DLC1: variants seen among roughly 807,000 people sequenced by gnomAD.
DLC1 encodes rho GTPase-activating protein 7.
In DLC1, 54 loss-of-function variants were observed where a neutral mutation model predicts 140.3. That is an observed-to-expected ratio of 0.38 (90% CI 0.31 to 0.48). DLC1 has a LOEUF of 0.48. Ranked by LOEUF, DLC1 falls within the 20% of genes least tolerant of loss-of-function variation. The pLI, the probability that DLC1 is intolerant of heterozygous loss-of-function variation, is 0.96. For missense variants in DLC1, 2,536 were observed against 1,907.0 expected, an observed-to-expected ratio of 1.33 and a Z score of -6.14; for synonymous variants, 986 against 728.1, an observed-to-expected ratio of 1.35 and a Z score of -5.70.
intron 4 of DLC1, among the ~76,000 whole-genome samples, chr8:13,348,025 C>G (rs1319323652): frequency 2.6e-5 from 4 of 152,090 alleles, no homozygotes; most frequent in Admixed American, 1.3e-4. Context: ...GGAGACATAG[C>G]TTGCAGTCAG....
At chr8:13,272,441 A>T (rs1207440659) in intron 5 of DLC1, among the ~76,000 whole-genome samples, 1 of 152,182 alleles carries the variant, frequency 6.6e-6, no homozygotes, top group Non-Finnish European at 1.5e-5. Context: ...ACTCTGTCTC[A>T]GCAAACAAAC....
chr8:13,509,198 C>A (rs1033889170), intron 1 of DLC1, among the ~76,000 whole-genome samples: 1 of 152,312 alleles, frequency 6.6e-6, no homozygotes, highest in Middle Eastern at 3.4e-3. Context: ...GCTTTGCTAT[C>A]ATTTCTAAGA....
chr8:13,407,525 T>C (rs1199226899), intron 2 of DLC1, among the ~76,000 whole-genome samples: 2 of 151,878 alleles, frequency 1.3e-5, no homozygotes, highest in Admixed American at 6.6e-5. Flanking sequence ...AGACACAGGC[T>C]CTGTTTTCCT....
chr8:13,272,404 G>A (rs1830970936), intron 5 of DLC1, among the ~76,000 whole-genome samples: 1 of 152,110 alleles, frequency 6.6e-6, no homozygotes, highest in Non-Finnish European at 1.5e-5. Context: ...TCATGCCACT[G>A]CACTCCAGCC....
intron 5 of DLC1, among the ~76,000 whole-genome samples, chr8:13,293,675 C>T (rs1563230689): frequency 6.6e-6 from 1 of 152,184 alleles, no homozygotes; most frequent in Non-Finnish European, 1.5e-5. Flanking sequence ...AACAGAAATA[C>T]ATCACAGAAA....
At chr8:13,551,253 AT>A (rs1563435434) in intron 1 of DLC1, among the ~76,000 whole-genome samples, 1 of 152,098 alleles carries the variant, frequency 6.6e-6, no homozygotes, top group Admixed American at 6.6e-5. Context: ...TAGCTTTTAG[AT>A]GTTCAATCTA....
chr8:13,346,719 C>A (rs1305632152), intron 4 of DLC1, among the ~76,000 whole-genome samples: 1 of 152,134 alleles, frequency 6.6e-6, no homozygotes, highest in Non-Finnish European at 1.5e-5. Flanking sequence ...AATGAAAACC[C>A]CCCTTTGTCA....
chr8:13,259,005 C>T (rs565173734), intron 5 of DLC1, among the ~76,000 whole-genome samples: 30 of 151,812 alleles, frequency 2.0e-4, no homozygotes, highest in Non-Finnish European at 4.0e-4. Context: ...TGCGTGGTGG[C>T]GGGCGCCTGT....
At chr8:13,489,640 G>A (rs777593048) in intron 2 of DLC1, among the ~76,000 whole-genome samples, 2 of 151,890 alleles carry the variant, frequency 1.3e-5, no homozygotes, top group Non-Finnish European at 2.9e-5. Flanking sequence ...AGAAAGATAC[G>A]TGTGAGGGAA....
intron 1 of DLC1, among the ~76,000 whole-genome samples, chr8:13,549,317 A>T (rs189315947): frequency 6.6e-4 from 101 of 152,242 alleles, no homozygotes; most frequent in African/African-American, 2.3e-3. Context: ...TTAATACTTT[A>T]AAAAAAGTAT....
At chr8:13,551,333 C>T (rs1484148114) in intron 1 of DLC1, among the ~76,000 whole-genome samples, 2 of 151,890 alleles carry the variant, frequency 1.3e-5, no homozygotes, top group African/African-American at 4.8e-5. Context: ...TAAAAATTTT[C>T]CAGATATATG....
chr8:13,506,200 T>G (rs558558155), intron 1 of DLC1, among the ~76,000 whole-genome samples: 2 of 152,124 alleles, frequency 1.3e-5, no homozygotes, highest in Non-Finnish European at 2.9e-5. Context: ...TACAAATACA[T>G]GCACACATAA....
At chr8:13,217,321 T>C (rs1258027239) in intron 5 of DLC1, among the ~76,000 whole-genome samples, 1 of 152,132 alleles carries the variant, frequency 6.6e-6, no homozygotes, top group East Asian at 1.9e-4. Context: ...TAAAATATCA[T>C]TTTACAACGT....
intron 1 of DLC1, among the ~76,000 whole-genome samples, chr8:13,524,997 T>TTTC (rs982596870): frequency 6.6e-6 from 1 of 151,836 alleles, no homozygotes; most frequent in African/African-American, 2.4e-5. Context: ...CTCTTGCTCC[T>TTTC]TTCTCCCTTC....
At chr8:13,520,038 G>A (rs902553970) in intron 1 of DLC1, among the ~76,000 whole-genome samples, 8 of 152,188 alleles carry the variant, frequency 5.3e-5, no homozygotes, top group Non-Finnish European at 1.2e-4. Context: ...GTGTGAATTA[G>A]TTCAATCATT....
At chr8:13,298,563 G>T (rs571045057) in intron 5 of DLC1, among the ~76,000 whole-genome samples, 59 of 152,246 alleles carry the variant, frequency 3.9e-4, no homozygotes, top group Non-Finnish European at 7.4e-4. Context: ...ACCTAGAAAA[G>T]TTCATGATCT....
At chr8:13,284,994 G>GT (rs1055807646) in intron 5 of DLC1, among the ~76,000 whole-genome samples, 1 of 152,006 alleles carries the variant, frequency 6.6e-6, no homozygotes, top group African/African-American at 2.4e-5. Flanking sequence ...ATTCCAGCAG[G>GT]TTTTTTTGTT....
At chr8:13,484,642 T>C (rs2117134447) in intron 2 of DLC1, among the ~76,000 whole-genome samples, 1 of 152,228 alleles carries the variant, frequency 6.6e-6, no homozygotes, top group Middle Eastern at 3.4e-3. Flanking sequence ...TTTTCTTGGT[T>C]TCATAGTTTC....
intron 5 of DLC1, among the ~76,000 whole-genome samples, chr8:13,221,742 A>G (rs939356408): frequency 4.9e-5 from 7 of 143,750 alleles, no homozygotes; most frequent in Non-Finnish European, 1.1e-4. Context: ...ATATATATAT[A>G]TATGATAAAC....
Sources: gnomAD v4.1 joint callset for allele counts (sites outside exome capture counted in the v4.1 genomes callset) on GRCh38, gnomAD v4.1.1 for gene constraint, MANE v1.5 for transcripts, NCBI Gene and HGNC (gene_info 2026-07-23, HGNC 2026-07-21) for gene names.